ARHGAP26: variants seen among roughly 807,000 people sequenced by gnomAD.
ARHGAP26 encodes Rho GTPase activating protein 26, also known as rho GTPase-activating protein 26.
In ARHGAP26, 38 loss-of-function variants were observed where a neutral mutation model predicts 104.8. The observed-to-expected ratio is 0.36, with a 90% CI of 0.28 to 0.48. The LOEUF (loss-of-function observed/expected upper bound fraction) is 0.48. ARHGAP26 is among the 20% of genes least tolerant of loss of function. ARHGAP26 has a pLI of 0.99. For missense variants in ARHGAP26, 704 were observed against 947.9 expected, an observed-to-expected ratio of 0.74 and a Z score of 3.38; for synonymous variants, 341 against 340.0, an observed-to-expected ratio of 1.00 and a Z score of -0.03.
intron 17 of ARHGAP26, among the ~76,000 whole-genome samples, chr5:143,092,507 G>T (rs1036671690): frequency 2.6e-5 from 4 of 151,904 alleles, no homozygotes; most frequent in Admixed American, 2.0e-4. Flanking sequence ...TTTAGGATAA[G>T]AATTCACCAT....
chr5:143,191,393 A>C (rs1213952873), intron 20 of ARHGAP26, among the ~76,000 whole-genome samples: 1 of 152,232 alleles, frequency 6.6e-6, no homozygotes, highest in Non-Finnish European at 1.5e-5. Flanking sequence ...ATAATTAAGT[A>C]GATCTTGGGA....
chr5:143,147,224 C>T lies in ARHGAP26; in HGVS notation c.1838-7C>T, dbSNP rs774396725. The T allele has an allele frequency of 6.2e-7, 1 of 1,613,166 alleles. No individual in the cohort carries two copies. The highest frequency in any genetic ancestry group is 2.2e-5 in the East Asian group (1 of 44,858). On this transcript the variant is annotated splice_region_variant and splice_polypyrimidine_tract_variant and intron_variant, in intron 19 of 22. Transcript: ENST00000645722. ...TTAATATGGGACTTGTGGCTTTTCC[C>T]CCCCAGAGGAACAAAGGAACAGCAT...
intron 11 of ARHGAP26, among the ~76,000 whole-genome samples, chr5:142,992,470 G>T (rs1775759305): frequency 6.7e-6 from 1 of 149,972 alleles, no homozygotes; most frequent in South Asian, 2.1e-4. Flanking sequence ...GTCTTGCCCT[G>T]TCACCTAGGC....
intron 1 of ARHGAP26, among the ~76,000 whole-genome samples, chr5:142,872,203 A>G (rs999258065): frequency 5.3e-5 from 8 of 152,088 alleles, no homozygotes; most frequent in African/African-American, 1.9e-4. Context: ...AAACAAACCA[A>G]AACAAACAGA....
chr5:143,210,173 G>GC (rs1809223481), intron 21 of ARHGAP26, among the ~76,000 whole-genome samples: 1 of 152,166 alleles, frequency 6.6e-6, no homozygotes, highest in Non-Finnish European at 1.5e-5. Context: ...TAACGGACTT[G>GC]CAGTTCCACG....
At chr5:142,808,851 A>G (rs1247832240) in intron 1 of ARHGAP26, among the ~76,000 whole-genome samples, 1 of 152,174 alleles carries the variant, frequency 6.6e-6, no homozygotes, top group Non-Finnish European at 1.5e-5. Context: ...TTGCCACCAG[A>G]AGAGAGATGC....
intron 6 of ARHGAP26, 36 bp from the exon 7 acceptor site, chr5:142,901,899 G>A: frequency 3.2e-6 from 5 of 1,569,442 alleles, no homozygotes; most frequent in Non-Finnish European, 3.5e-6. Flanking sequence ...TTTTCAACCT[G>A]GTTATGTGAC....
At chr5:143,133,917 C>A in intron 18 of ARHGAP26, 50 bp from the exon 19 acceptor site, 1 of 1,543,676 alleles carries the variant, frequency 6.5e-7, no homozygotes, top group Non-Finnish European at 8.8e-7. Context: ...GGCCTGTTTT[C>A]TTCCCAGTCC....
rs1257212681 is a variant in ARHGAP26 at position 142,770,461 on chromosome 5, C to A, written c.-301C>A. On this transcript the variant is annotated 5_prime_UTR_variant, in exon 1 of 23. Transcript: ENST00000645722. ...GCTAGCGAAGGAGGCGGGGAGGCGG[C>A]GTCTGCACTCGCTCGCCCGCTCGCT... is the stretch of plus-strand genomic sequence containing the variant. 1 of 192,462 alleles carries A rather than the reference C, an allele frequency of 5.2e-6. No homozygotes were observed. Among genetic ancestry groups the A allele is most frequent in the East Asian group, 8.0e-5 (1 of 12,542 alleles). 11.9% of individuals were successfully genotyped at this position (192,462 alleles called of 1,614,324 possible). A position where few individuals can be genotyped will look rare whatever the true frequency, so the allele number is the denominator to read the frequency against.
At chr5:143,168,182 T>G (rs1802269108) in intron 20 of ARHGAP26, among the ~76,000 whole-genome samples, 1 of 152,180 alleles carries the variant, frequency 6.6e-6, no homozygotes, top group Non-Finnish European at 1.5e-5. Context: ...GGGGAGCTGC[T>G]CATAGTTAAC....
intron 20 of ARHGAP26, among the ~76,000 whole-genome samples, chr5:143,177,264 T>C (rs955563004): frequency 6.6e-6 from 1 of 152,220 alleles, no homozygotes; most frequent in African/African-American, 2.4e-5. Flanking sequence ...GACCATCTAG[T>C]TGGCCTCTCA....
chr5:143,085,749 A>G (rs1019965034), intron 17 of ARHGAP26, among the ~76,000 whole-genome samples: 3 of 152,320 alleles, frequency 2.0e-5, no homozygotes, highest in East Asian at 1.9e-4. Flanking sequence ...GTGAGTGCCA[A>G]AAGTTAGCTG....
intron 19 of ARHGAP26, among the ~76,000 whole-genome samples, chr5:143,144,105 A>G (rs1480520648): frequency 6.6e-6 from 1 of 152,070 alleles, no homozygotes; most frequent in Non-Finnish European, 1.5e-5. Context: ...CTTGACTCAT[A>G]ACTAGCTGTT....
At position 143,087,636 on chromosome 5, in the gene ARHGAP26, C is replaced by CTTTTTTTTTTTTTTTTTTTTTTTTTT. The variant is rs35201189; in HGVS notation, c.1538+29890_1538+29915dup. 3.9e-5 allele frequency among the ~76,000 whole-genome samples: 2 copies of CTTTTTTTTTTTTTTTTTTTTTTTTTT among 51,536 alleles called. 1 individual carries two copies. Among genetic ancestry groups the CTTTTTTTTTTTTTTTTTTTTTTTTTT allele is most frequent in the African/African-American group, 1.6e-4 (2 of 12,752 alleles). The allele number at this position is 51,536 out of a possible 152,430, so 33.8% of individuals were successfully genotyped here. A position where few individuals can be genotyped will look rare whatever the true frequency, so the allele number is the denominator to read the frequency against. On this transcript the variant is annotated intron_variant, in intron 17 of 22. Transcript: ENST00000645722. ...CTCATCTAATTAACCCTGGCCCATT[C>CTTTTTTTTTTTTTTTTTTTTTTTTTT]TTTTTTTTTTTTTTTTTTTTTTTTT...
chr5:142,862,879 C>T (rs1266515837), intron 1 of ARHGAP26, among the ~76,000 whole-genome samples: 2 of 152,144 alleles, frequency 1.3e-5, no homozygotes, highest in African/African-American at 4.8e-5. Flanking sequence ...GACATCATTT[C>T]ATTTGGGGAG....
intron 20 of ARHGAP26, among the ~76,000 whole-genome samples, chr5:143,205,704 G>A (rs548009186): frequency 6.6e-6 from 1 of 152,308 alleles, no homozygotes; most frequent in Non-Finnish European, 1.5e-5. Flanking sequence ...GTTACTTATA[G>A]GCTGGGTATC....
intron 11 of ARHGAP26, among the ~76,000 whole-genome samples, chr5:143,012,340 A>G (rs1439421285): frequency 6.6e-6 from 1 of 150,924 alleles, no homozygotes; most frequent in Non-Finnish European, 1.5e-5. Flanking sequence ...CAGAGAGGCT[A>G]AGAGACCCAG....
At chr5:143,126,282 T>C (rs2150837075) in intron 18 of ARHGAP26, among the ~76,000 whole-genome samples, 1 of 152,314 alleles carries the variant, frequency 6.6e-6, no homozygotes, top group East Asian at 1.9e-4. Flanking sequence ...TAAAATGGCA[T>C]GGTTGTGAAA....
intron 20 of ARHGAP26, among the ~76,000 whole-genome samples, chr5:143,190,951 C>T (rs1805838695): frequency 6.6e-6 from 1 of 152,208 alleles, no homozygotes; most frequent in Non-Finnish European, 1.5e-5. Context: ...ACACAATATG[C>T]AATTCCACTT....
Sources: allele counts gnomAD v4.1 joint callset (sites outside exome capture counted in the v4.1 genomes callset), GRCh38; gene constraint gnomAD v4.1.1; transcripts MANE v1.5; gene names NCBI Gene and HGNC (gene_info 2026-07-23, HGNC 2026-07-21).